The following CGB3 variants were observed in gnomAD, a reference collection of about 807,000 sequenced individuals.
The protein encoded by CGB3 is chorionic gonadotropin subunit beta 3, also known as choriogonadotropin subunit beta 3.
CGB3 carries 3 observed loss-of-function variants against 5.1 expected under a neutral mutation model. The observed-to-expected ratio is 0.59, with a 90% CI of 0.27 to 1.52. The LOEUF is 1.52. Ranked by LOEUF, CGB3 falls within the 40% of genes most tolerant of loss-of-function variation. The probability of loss-of-function intolerance (pLI) is 0.13; values close to 1 mark genes in which losing one functional copy is unlikely to be tolerated. For missense variants in CGB3, 44 were observed against 183.7 expected, an observed-to-expected ratio of 0.24 and a Z score of 4.39; for synonymous variants, 21 against 80.9, an observed-to-expected ratio of 0.26 and a Z score of 3.97.
intron 1 of CGB3, 108 bp downstream of exon 1, chr19:49,023,849 T>C (rs916208430): frequency 2.5e-6 from 4 of 1,604,102 alleles, no homozygotes; most frequent in Non-Finnish European, 3.4e-6. Flanking sequence ...GGGGTCACGC[T>C]CCTCCAGAAA....
At position 49,024,214 on chromosome 19, in the gene CGB3, C is replaced by G. The variant is rs112139593; in HGVS notation, c.-243G>C. The stretch of plus-strand genomic sequence containing the variant: ...GGTGAAGTGACCTCAGAGACTCAGT[C>G]GTCGAGTGCTAGGGACTAGTCGAGG... On this transcript the variant is annotated 5_prime_UTR_variant, in exon 1 of 3. Transcript: ENST00000357383. 4.1e-5 allele frequency: 58 copies of G among 1,411,772 alleles called. 1 individual carries two copies. In the African/African-American group the frequency reaches 7.6e-4, roughly 18 times the overall value. The allele number at this position is 1,411,772 out of a possible 1,614,324, so 87.5% of individuals were successfully genotyped here.
rs200375640 is a variant in CGB3 at position 49,024,008 on chromosome 19, T to A, written c.-37A>T. The A allele has an allele frequency of 1.0e-3, 1,619 of 1,611,308 alleles. 30 individuals carry two copies. The African/African-American group carries it at 0.019, about 19-fold the overall frequency. On this transcript the variant is annotated 5_prime_UTR_variant, in exon 1 of 3. Coordinates refer to ENST00000357383, the MANE Select transcript of CGB3 (RefSeq NM_000737.5). ...CCCCTGCCTCGTGTACCTGGCTTTA[T>A]ACCTCGGGGTTGTGGGGGCGGCAAG...
chr19:49,023,928 G>A, intron 1 of CGB3, 29 bp downstream of exon 1: 2 of 1,612,708 alleles, frequency 1.2e-6, no homozygotes, highest in East Asian at 2.2e-5. Context: ...GAAGGAGGTG[G>A]AAGGTGCCCA....
rs2039633019 is a variant in CGB3 at position 49,022,877 on chromosome 19, G to T, written c.*9C>A. 1 of 1,569,096 alleles carries T rather than the reference G, an allele frequency of 6.4e-7. No individual in the cohort carries two copies. The highest frequency in any genetic ancestry group is 1.4e-5 in the African/African-American group (1 of 73,414). ...GAAAGACACCTCCAGAGTGCGGATT[G>T]AGAAGCCTTTATTGTGGGAGGATCG... On this transcript the variant is annotated 3_prime_UTR_variant, in exon 3 of 3. Transcript: ENST00000357383.
Sources: gnomAD v4.1 joint callset for allele counts on GRCh38, gnomAD v4.1.1 for gene constraint, MANE v1.5 for transcripts, NCBI Gene and HGNC (gene_info 2026-07-23, HGNC 2026-07-21) for gene names.